The following XPOT variants were observed in gnomAD, a reference collection of about 807,000 sequenced individuals.
The protein encoded by XPOT is exportin for tRNA, also known as exportin-T.
A neutral mutation model predicts 128.2 loss-of-function variants in XPOT; 34 were observed. That is an observed-to-expected ratio of 0.27 (90% CI 0.20 to 0.35). The LOEUF is 0.35. Ranked by LOEUF, XPOT falls within the 10% of genes least tolerant of loss-of-function variation. XPOT has a pLI of 1.00. For synonymous variants in XPOT, 348 were observed against 394.3 expected (o/e 0.88, Z 1.39); for missense variants, 838 against 1,125.3 (o/e 0.74, Z 3.65).
intron 21 of XPOT, among the ~76,000 whole-genome samples, chr12:64,435,382 C>G (rs925785840): frequency 1.3e-5 from 2 of 152,178 alleles, no homozygotes; most frequent in Admixed American, 1.3e-4. Context: ...AGCTAGATTT[C>G]ATAATTGTAA....
intron 2 of XPOT, among the ~76,000 whole-genome samples, chr12:64,411,406 A>G (rs931731250): frequency 7.2e-5 from 11 of 152,228 alleles, no homozygotes; most frequent in Admixed American, 5.9e-4. Flanking sequence ...AAGTTCCAGC[A>G]TCCAATTTTT....
intron 18 of XPOT, among the ~76,000 whole-genome samples, 178 bp downstream of exon 18, chr12:64,432,001 T>A (rs922564616): frequency 6.6e-6 from 1 of 152,194 alleles, no homozygotes; most frequent in African/African-American, 2.4e-5. Flanking sequence ...GCCTGATACA[T>A]AGGTCATGCT....
rs1192548169 is a variant in XPOT at position 64,448,779 on chromosome 12, TGA to T, written c.*650_*651del. On this transcript the variant is annotated 3_prime_UTR_variant, in exon 25 of 25. Transcript: ENST00000332707. ...TTTCCCATTTAAAGGTTTACAAATATGAGTGTGTGGATGCTTTAATTCATTTA... is the reference window on the plus strand; with the variant it reads ...TTTCCCATTTAAAGGTTTACAAATATGTGTGTGGATGCTTTAATTCATTTA... 6.6e-6 allele frequency: 1 copy of T among 152,218 alleles called. No individual in the cohort carries two copies. Among genetic ancestry groups the T allele is most frequent in the Non-Finnish European group, 1.5e-5 (1 of 68,038 alleles). The allele number at this position is 152,218 out of a possible 1,614,324, so 9.4% of individuals were successfully genotyped here.
At chr12:64,434,718 G>T in intron 20 of XPOT, 76 bp from the exon 21 acceptor site, 1 of 1,535,272 alleles carries the variant, frequency 6.5e-7, no homozygotes, top group East Asian at 2.2e-5. Context: ...AGAGAAACTG[G>T]GAGTTGGTTT....
At chr12:64,447,425 C>T (rs2040374940) in intron 24 of XPOT, among the ~76,000 whole-genome samples, 1 of 152,174 alleles carries the variant, frequency 6.6e-6, no homozygotes, top group Admixed American at 6.5e-5. Context: ...ATAGTAAATT[C>T]CTTACAGAGT....
intron 2 of XPOT, among the ~76,000 whole-genome samples, chr12:64,411,088 C>T (rs762986368): frequency 2.6e-5 from 4 of 152,110 alleles, no homozygotes; most frequent in Admixed American, 6.5e-5. Context: ...AAATAAGTAA[C>T]GAGCCCTTCA....
At position 64,421,588 on chromosome 12, in the gene XPOT, A is replaced by G. The variant is rs370820206; in HGVS notation, c.1080+117A>G. 4.2e-5 allele frequency: 28 copies of G among 670,348 alleles called. No individual in the cohort carries two copies. In the African/African-American group the frequency reaches 4.9e-4, roughly 12 times the overall value. 41.5% of individuals were successfully genotyped at this position (670,348 alleles called of 1,614,324 possible). The stretch of plus-strand genomic sequence containing the variant: ...ACCCATAATTCTACTACCTAAAGAT[A>G]TTTACTGTTAAATACTAATGTATTT... On this transcript the variant is annotated intron_variant, in intron 9 of 24. Coordinates refer to ENST00000332707, the MANE Select transcript of XPOT (RefSeq NM_007235.6).
chr12:64,433,502 A>G lies in XPOT; in HGVS notation c.2351A>G (p.Asp784Gly). ...CTGCTCCGGCCAGCAGAAGAAAATG[A>G]CCAGTCTGCTGCTTTAGAGAAGCAG... is the stretch of plus-strand genomic sequence containing the variant. ...EVLLRPAEEN[D>G]QSAALEKQML... is the part of the protein sequence containing the mutation. Residue 784 changes from aspartate to glycine, a missense_variant, in exon 19 of 25, where the codon GAC becomes GGC. Asp to Gly is a moderately conservative substitution (Grantham distance 94, BLOSUM62 -1). Around this residue, in one of 3 missense-constraint regions of XPOT, gnomAD observed 761 missense variants for 988.3 expected, o/e 0.77. Coordinates refer to ENST00000332707, the MANE Select transcript of XPOT (RefSeq NM_007235.6). The G allele has an allele frequency of 6.2e-7, 1 of 1,612,704 alleles. No individual in the cohort carries two copies. Among genetic ancestry groups the G allele is most frequent in the Non-Finnish European group, 8.5e-7 (1 of 1,179,154 alleles).
intron 1 of XPOT, among the ~76,000 whole-genome samples, chr12:64,406,464 G>A (rs2039984089): frequency 6.6e-6 from 1 of 152,026 alleles, no homozygotes; most frequent in East Asian, 1.9e-4. Flanking sequence ...CGCCTCCCGG[G>A]TTCAAGCGAT....
In XPOT at chr12:64,445,072, C is replaced by A; in HGVS notation, c.2806-3C>A. ...TTTTCTCCCTCTTTTCCCCACCCCC[C>A]AGGAGTTTTGTCAAGCGCTTCAGCA... On this transcript the variant is annotated splice_region_variant and splice_polypyrimidine_tract_variant and intron_variant, in intron 23 of 24. Transcript: ENST00000332707. 1 of 1,608,684 alleles carries A rather than the reference C, an allele frequency of 6.2e-7. No homozygotes were observed. Among genetic ancestry groups the A allele is most frequent in the Non-Finnish European group, 8.5e-7 (1 of 1,177,462 alleles).
chr12:64,434,401 C>T (rs904297186), intron 19 of XPOT, 106 bp from the exon 20 acceptor site: 4 of 705,450 alleles, frequency 5.7e-6, no homozygotes, highest in East Asian at 2.6e-5. Flanking sequence ...TTTCCCATTC[C>T]ACCTGTAAAT....
At chr12:64,437,808 C>T (rs996504681) in intron 22 of XPOT, among the ~76,000 whole-genome samples, 5 of 152,074 alleles carry the variant, frequency 3.3e-5, no homozygotes, top group African/African-American at 1.2e-4. Flanking sequence ...CAAGAGTCAA[C>T]AGAAAGGTAG....
intron 5 of XPOT, 150 bp from the exon 6 acceptor site, chr12:64,418,726 T>C (rs2040110655): frequency 2.2e-5 from 14 of 650,984 alleles, no homozygotes; most frequent in Non-Finnish European, 3.5e-5. Flanking sequence ...ATAATCATAA[T>C]TATCAAAATA....
In XPOT at chr12:64,450,226, G is replaced by C. The variant is rs2040399760; in HGVS notation, c.*2095G>C. On this transcript the variant is annotated 3_prime_UTR_variant, in exon 25 of 25. Coordinates refer to ENST00000332707, the MANE Select transcript of XPOT (RefSeq NM_007235.6). Reference sequence around the variant, plus strand: ...GCTGGAGTGCAGTGGTGACATCATAGCTCACTGTAACTTCTCCCATACTCT... The same window carrying C: ...GCTGGAGTGCAGTGGTGACATCATACCTCACTGTAACTTCTCCCATACTCT... 1 of 150,730 alleles carries C rather than the reference G, an allele frequency of 6.6e-6. No homozygotes were observed. Among genetic ancestry groups the C allele is most frequent in the Non-Finnish European group, 1.5e-5 (1 of 67,854 alleles). The allele number at this position is 150,730 out of a possible 1,614,324, so 9.3% of individuals were successfully genotyped here. A position where few individuals can be genotyped will look rare whatever the true frequency, so the allele number is the denominator to read the frequency against.
At chr12:64,446,277 T>C (rs2040366523) in intron 24 of XPOT, among the ~76,000 whole-genome samples, 1 of 152,188 alleles carries the variant, frequency 6.6e-6, no homozygotes, top group Non-Finnish European at 1.5e-5. Flanking sequence ...ATAGCATTTA[T>C]AAAAAGTCTT....
chr12:64,435,613 C>T lies in XPOT; in HGVS notation c.2686-14C>T. 2 of 1,589,388 alleles carry T rather than the reference C, an allele frequency of 1.3e-6. No individual in the cohort carries two copies. Among genetic ancestry groups the T allele is most frequent in the Non-Finnish European group, 1.7e-6 (2 of 1,165,936 alleles). On this transcript the variant is annotated splice_polypyrimidine_tract_variant and intron_variant, in intron 21 of 24. Transcript: ENST00000332707. ...AATTGAATATATAGAAATTCTTAAA[C>T]TTGTTTTTCACAGGCTTTATCTGAG...
chr12:64,441,694 A>T (rs1169485965), intron 23 of XPOT, among the ~76,000 whole-genome samples: 3 of 151,552 alleles, frequency 2.0e-5, no homozygotes, highest in East Asian at 1.9e-4. Flanking sequence ...ATTTATTTTT[A>T]TTTTTTTTGA....
chr12:64,433,285 A>T, intron 18 of XPOT, 129 bp from the exon 19 acceptor site: 1 of 865,458 alleles, frequency 1.2e-6, no homozygotes. Flanking sequence ...CTTAAAATTG[A>T]TATTTGCTAA....
In XPOT at chr12:64,421,298, A is replaced by G. The variant is rs1463519878; in HGVS notation, c.907A>G (p.Ile303Val). The G allele has an allele frequency of 1.2e-6, 2 of 1,613,998 alleles. No homozygotes were observed. Among genetic ancestry groups the G allele is most frequent in the African/African-American group, 1.3e-5 (1 of 75,034 alleles). ...KLVNGMGQSLIVSWSKLIKNG... is the reference protein window; with the variant it reads ...KLVNGMGQSLVVSWSKLIKNG... The stretch of plus-strand genomic sequence containing the variant: ...GGTAAATGGAATGGGACAGTCATTG[A>G]TAGTTAGTTGGAGTAAATTAATTAA... The change falls in exon 9 of 25, where the codon ATA becomes GTA. Residue 303 changes from isoleucine (I) to valine (V), a missense_variant. This residue lies in a region of XPOT where 761 missense variants were observed against 988.3 expected (regional missense o/e 0.77). Transcript: ENST00000332707.
Sources: allele counts gnomAD v4.1 joint callset (sites outside exome capture counted in the v4.1 genomes callset), GRCh38; gene constraint gnomAD v4.1.1; regional missense constraint gnomAD v4.1.1; transcripts MANE v1.5; gene names NCBI Gene and HGNC (gene_info 2026-07-23, HGNC 2026-07-21).